Variants in CLOCK observed in about 807,000 individuals in gnomAD.
CLOCK encodes clock circadian regulator, also known as circadian locomoter output cycles protein kaput.
Under a neutral mutation model 118.4 loss-of-function variants are expected in CLOCK, and 43 were observed. The ratio of observed to expected loss-of-function variants is 0.36; its 90% CI spans 0.28 to 0.47. The LOEUF is 0.47. CLOCK is among the 20% of genes least tolerant of loss of function. The pLI, the probability that CLOCK is intolerant of heterozygous loss-of-function variation, is 1.00. For missense variants in CLOCK, 846 were observed against 999.9 expected (o/e 0.85, Z 2.08); for synonymous variants, 326 against 339.2 (o/e 0.96, Z 0.43).
At chr4:55,457,893 C>T (rs182486516) in intron 11 of CLOCK, among the ~76,000 whole-genome samples, 10 of 152,200 alleles carry the variant, frequency 6.6e-5, no homozygotes, top group Admixed American at 2.0e-4. Context: ...AATGAGGGAT[C>T]GTAATGGCAT....
chr4:55,507,904 A>G (rs1020849116), intron 2 of CLOCK, among the ~76,000 whole-genome samples: 7 of 152,190 alleles, frequency 4.6e-5, no homozygotes, highest in Non-Finnish European at 8.8e-5. Context: ...GGAAACTGGT[A>G]ATTTAGCAAA....
intron 1 of CLOCK, among the ~76,000 whole-genome samples, chr4:55,517,904 T>C (rs922583981): frequency 1.3e-5 from 2 of 152,108 alleles, no homozygotes; most frequent in African/African-American, 4.8e-5. Flanking sequence ...AAATTACAAA[T>C]GTTTTTACCC....
chr4:55,444,608 G>A (rs2109699858), intron 19 of CLOCK, 25 bp downstream of exon 19: 1 of 1,613,674 alleles, frequency 6.2e-7, no homozygotes, highest in African/African-American at 1.3e-5. Flanking sequence ...GGGATGCTTT[G>A]TTTGTATTCA....
intron 1 of CLOCK, chr4:55,545,570 A>C (rs1560492584): frequency 1.3e-5 from 2 of 152,168 alleles, no homozygotes; most frequent in African/African-American, 2.4e-5. Flanking sequence ...AAAAGCCTTA[A>C]AGTCTAATAG....
intron 1 of CLOCK, among the ~76,000 whole-genome samples, chr4:55,514,968 T>G (rs1220050928): frequency 6.6e-6 from 1 of 152,218 alleles, no homozygotes; most frequent in South Asian, 2.1e-4. Context: ...AATTTCTTCC[T>G]TAAATGTTTG....
chr4:55,531,933 C>G (rs891264281), intron 1 of CLOCK, among the ~76,000 whole-genome samples: 2 of 150,902 alleles, frequency 1.3e-5, no homozygotes, highest in African/African-American at 4.9e-5. Flanking sequence ...AAAAAAAACC[C>G]CAGCAAACCA....
rs376324115 is a variant in CLOCK, at chr4:55,443,719, G to C, written c.1870C>G (p.Gln624Glu). 5.6e-6 allele frequency: 9 copies of C among 1,614,080 alleles called. No individual in the cohort carries two copies. Among genetic ancestry groups the C allele is most frequent in the East Asian group, 4.5e-5 (2 of 44,870 alleles). Residue 624 changes from glutamine (Q) to glutamate (E), a missense_variant, in exon 20 of 23, where the codon CAA becomes GAA. Coordinates refer to ENST00000513440, the MANE Select transcript of CLOCK (RefSeq NM_004898.4). ...GATGTACTCTGTAAAGTCTGTTGTT[G>C]TATCATGTGCTGAGTTGTGCCAATG... Reference protein sequence around the residue: ...GHIGTTQHMIQQQTLQSTSTQ... With the variant: ...GHIGTTQHMIEQQTLQSTSTQ...
chr4:55,537,398 T>A (rs1730973546), intron 1 of CLOCK, among the ~76,000 whole-genome samples: 1 of 151,990 alleles, frequency 6.6e-6, no homozygotes, highest in Non-Finnish European at 1.5e-5. Context: ...GCAAGTGGAT[T>A]GCCTGAGCTC....
chr4:55,439,661 A>C lies in CLOCK; in HGVS notation c.2106-1124T>G, dbSNP rs148787736. Among the ~76,000 whole-genome samples the C allele has an allele frequency of 1.8e-3, 273 of 152,306 alleles. 1 individual carries two copies. Among genetic ancestry groups the C allele is most frequent in the African/African-American group, 6.1e-3 (254 of 41,568 alleles). On this transcript the variant is annotated intron_variant, in intron 21 of 22. Transcript: ENST00000513440. ...AATAAGCAAAACATAGTAGAGTAGA[A>C]TATTACTTAGCCTTAAAAAGGAAAG...
At chr4:55,473,906 T>C (rs1185681431) in intron 7 of CLOCK, among the ~76,000 whole-genome samples, 1 of 152,134 alleles carries the variant, frequency 6.6e-6, no homozygotes, top group South Asian at 2.1e-4. Context: ...CATTCCCCCA[T>C]CCCTCTCCCT....
intron 8 of CLOCK, among the ~76,000 whole-genome samples, chr4:55,466,969 T>C (rs1313645605): frequency 2.6e-5 from 4 of 152,228 alleles, no homozygotes; most frequent in Non-Finnish European, 5.9e-5. Flanking sequence ...TACCATTTAG[T>C]GATTGGATGA....
chr4:55,546,044 C>A (rs2110138509), intron 1 of CLOCK: 1 of 152,416 alleles, frequency 6.6e-6, no homozygotes, highest in African/African-American at 2.4e-5. Context: ...GGCACGCGGG[C>A]CGGGCGCCGG....
chr4:55,478,946 G>C lies in CLOCK; in HGVS notation c.125C>G (p.Ser42Cys). 1 of 1,595,904 alleles carries C rather than the reference G, an allele frequency of 6.3e-7. No individual in the cohort carries two copies. The change falls in exon 6 of 23, where the codon TCT (serine) becomes TGT (cysteine). Residue 42 changes from serine to cysteine, a missense_variant. By Grantham distance (112) the Ser-to-Cys change is moderately radical. Around this residue, in one of 4 missense-constraint regions of CLOCK, gnomAD observed 246 missense variants for 300.2 expected, o/e 0.82. Transcript: ENST00000513440. ...AAATTGATCTCTACGTTTCTTTTCA[G>C]ATTTGTTTCTAGATACTCTGATGAA... ...DKAKRVSRNKSEKKRRDQFNV... is the reference protein window; with the variant it reads ...DKAKRVSRNKCEKKRRDQFNV...
At position 55,455,723 on chromosome 4, in the gene CLOCK, T is replaced by A. The variant is rs79717905; in HGVS notation, c.982+174A>T. Among the ~76,000 whole-genome samples, 1,499 of 152,342 alleles carry A rather than the reference T, an allele frequency of 9.8e-3. 10 individuals carry two copies. Among genetic ancestry groups the A allele is most frequent in the Non-Finnish European group, 0.016 (1,104 of 68,024 alleles). Reference sequence around the variant, plus strand: ...CTTATTATAAAAATAGGAACAAGTTTAAACTTGATCTATGATTCCTACTAC... The same window carrying A: ...CTTATTATAAAAATAGGAACAAGTTAAAACTTGATCTATGATTCCTACTAC... On this transcript the variant is annotated intron_variant, in intron 13 of 22. Coordinates refer to ENST00000513440, the MANE Select transcript of CLOCK (RefSeq NM_004898.4).
intron 18 of CLOCK, among the ~76,000 whole-genome samples, 172 bp downstream of exon 18, chr4:55,448,602 GTGTGT>G (rs1724132645): frequency 7.0e-5 from 1 of 14,384 alleles, no homozygotes. Flanking sequence ...GCACGCGCGC[GTGTGT>G]GTGTGTGTGT....
At chr4:55,529,787 CCA>C (rs1247206257) in intron 1 of CLOCK, among the ~76,000 whole-genome samples, 1 of 152,170 alleles carries the variant, frequency 6.6e-6, no homozygotes. Context: ...TGATCTAAAC[CCA>C]CACAGTCAGG....
chr4:55,447,572 T>C (rs1395965795), intron 18 of CLOCK, among the ~76,000 whole-genome samples: 7 of 152,160 alleles, frequency 4.6e-5, no homozygotes, highest in Non-Finnish European at 1.0e-4. Flanking sequence ...TTTGGCTTTA[T>C]TGGTGAACAA....
chr4:55,530,774 C>CAAAAAAAAAAAAAAA (rs60810379), intron 1 of CLOCK, among the ~76,000 whole-genome samples: 709 of 32,328 alleles, frequency 0.022, 49 homozygotes, highest in Middle Eastern at 0.05. Flanking sequence ...GACTCCATCG[C>CAAAAAAAAAAAAAAA]AAAAAAAAAA....
At chr4:55,448,042 G>A (rs1475284409) in intron 18 of CLOCK, among the ~76,000 whole-genome samples, 1 of 152,066 alleles carries the variant, frequency 6.6e-6, no homozygotes, top group African/African-American at 2.4e-5. Flanking sequence ...TCTGGACTTA[G>A]GCCAAGAAAC....
Sources: gnomAD v4.1 joint callset for allele counts (sites outside exome capture counted in the v4.1 genomes callset) on GRCh38, gnomAD v4.1.1 for gene constraint, gnomAD v4.1.1 regional missense constraint, MANE v1.5 for transcripts, NCBI Gene and HGNC (gene_info 2026-07-23, HGNC 2026-07-21) for gene names.